NKAIN2: variants seen among roughly 807,000 people sequenced by gnomAD.
NKAIN2 encodes sodium/potassium-transporting ATPase subunit beta-1-interacting protein 2.
A neutral mutation model predicts 32.6 loss-of-function variants in NKAIN2; 14 were observed. The ratio of observed to expected loss-of-function variants is 0.43; its 90% CI spans 0.28 to 0.67. NKAIN2 has a LOEUF of 0.67. Ranked by LOEUF, NKAIN2 falls within the 30% of genes least tolerant of loss-of-function variation. The pLI is 0.17. For synonymous variants in NKAIN2, 80 were observed against 87.2 expected, an observed-to-expected ratio of 0.92 and a Z score of 0.46; for missense variants, 198 against 258.3, an observed-to-expected ratio of 0.77 and a Z score of 1.60.
At chr6:123,903,358 G>C (rs1256900095) in intron 1 of NKAIN2, among the ~76,000 whole-genome samples, 1 of 152,152 alleles carries the variant, frequency 6.6e-6, no homozygotes, top group Non-Finnish European at 1.5e-5. Context: ...CAAAATAAGA[G>C]GGAAGGAATT....
chr6:124,215,551 G>A (rs1791424430), intron 1 of NKAIN2, among the ~76,000 whole-genome samples: 1 of 152,088 alleles, frequency 6.6e-6, no homozygotes. Context: ...AAAACTAAAT[G>A]TGACTGGAAT....
chr6:124,179,709 T>A (rs1789342584), intron 1 of NKAIN2, among the ~76,000 whole-genome samples: 1 of 152,160 alleles, frequency 6.6e-6, no homozygotes, highest in Non-Finnish European at 1.5e-5. Flanking sequence ...ATCCACAGAA[T>A]TACTTTCTGA....
intron 2 of NKAIN2, among the ~76,000 whole-genome samples, chr6:124,330,444 A>G (rs1318409571): frequency 6.6e-6 from 1 of 152,176 alleles, no homozygotes; most frequent in Non-Finnish European, 1.5e-5. Flanking sequence ...CATGTAGAGC[A>G]CTGAAGCTGG....
At chr6:123,889,900 T>C (rs891011156) in intron 1 of NKAIN2, among the ~76,000 whole-genome samples, 15 of 152,126 alleles carry the variant, frequency 9.9e-5, no homozygotes, top group African/African-American at 3.6e-4. Context: ...AATTTTCTCT[T>C]AATTTGGGGG....
At chr6:124,704,812 A>G (rs377232996) in intron 4 of NKAIN2, among the ~76,000 whole-genome samples, 1 of 151,980 alleles carries the variant, frequency 6.6e-6, no homozygotes, top group South Asian at 2.1e-4. Context: ...TACACTCTCT[A>G]CTTAACTTCC....
chr6:124,345,885 G>T (rs897417354), intron 2 of NKAIN2, among the ~76,000 whole-genome samples: 1 of 152,138 alleles, frequency 6.6e-6, no homozygotes, highest in African/African-American at 2.4e-5. Context: ...GCTTTTGAAT[G>T]TGTTTGCTCT....
chr6:123,953,497 G>A (rs1018428588), intron 1 of NKAIN2, among the ~76,000 whole-genome samples: 2 of 152,194 alleles, frequency 1.3e-5, no homozygotes, highest in Non-Finnish European at 2.9e-5. Context: ...GTGGTCCATG[G>A]TGGTGTTGTT....
At chr6:124,675,847 ACTTC>A (rs1388813615) in intron 4 of NKAIN2, among the ~76,000 whole-genome samples, 30 of 147,474 alleles carry the variant, frequency 2.0e-4, no homozygotes, top group East Asian at 4.0e-4. Context: ...AATGTTTACT[ACTTC>A]CTTCCTTCTG....
At chr6:124,173,543 A>G (rs575135686) in intron 1 of NKAIN2, among the ~76,000 whole-genome samples, 3 of 152,222 alleles carry the variant, frequency 2.0e-5, no homozygotes, top group African/African-American at 7.2e-5. Context: ...CATAATATTA[A>G]TAGGCCCTTT....
intron 2 of NKAIN2, among the ~76,000 whole-genome samples, chr6:124,283,613 A>G (rs1795406728): frequency 6.6e-6 from 1 of 152,228 alleles, no homozygotes; most frequent in Non-Finnish European, 1.5e-5. Context: ...TAATCTGGAC[A>G]GTTGCCTCTG....
intron 1 of NKAIN2, among the ~76,000 whole-genome samples, chr6:124,227,087 C>CA (rs575365216): frequency 0.59 from 74,631 of 127,090 alleles, 22,051 homozygotes; most frequent in South Asian, 0.7. Context: ...CTCTTGGAGG[C>CA]AAAAAAAAAA....
At chr6:124,020,280 C>CA (rs1234413979) in intron 1 of NKAIN2, among the ~76,000 whole-genome samples, 1 of 152,126 alleles carries the variant, frequency 6.6e-6, no homozygotes, top group African/African-American at 2.4e-5. Flanking sequence ...ATGGATATCA[C>CA]ATCATTCACA....
chr6:124,735,719 T>A (rs1274921769), intron 4 of NKAIN2, among the ~76,000 whole-genome samples: 1 of 151,894 alleles, frequency 6.6e-6, no homozygotes, highest in Non-Finnish European at 1.5e-5. Context: ...TCTGTTATGG[T>A]GATCTGTGAT....
chr6:124,694,460 T>C (rs752359342), intron 4 of NKAIN2, among the ~76,000 whole-genome samples: 4 of 152,350 alleles, frequency 2.6e-5, no homozygotes, highest in Non-Finnish European at 4.4e-5. Context: ...GAGAGACTTT[T>C]GCCCAGTGAA....
chr6:124,273,744 G>A (rs1290967997), intron 1 of NKAIN2, among the ~76,000 whole-genome samples: 1 of 152,064 alleles, frequency 6.6e-6, no homozygotes, highest in Non-Finnish European at 1.5e-5. Context: ...CAAACATTAG[G>A]TATTTTTTTC....
At chr6:124,446,335 T>G (rs1775889894) in intron 3 of NKAIN2, among the ~76,000 whole-genome samples, 1 of 82,260 alleles carries the variant, frequency 1.2e-5, no homozygotes, top group African/African-American at 2.7e-5. Context: ...AATATATAAG[T>G]TTTTTGTTTG....
At chr6:123,888,344 T>C (rs1414973043) in intron 1 of NKAIN2, among the ~76,000 whole-genome samples, 1 of 152,138 alleles carries the variant, frequency 6.6e-6, no homozygotes, top group Non-Finnish European at 1.5e-5. Flanking sequence ...CACTTTCCTA[T>C]TGCTTAGAAT....
At chr6:124,394,296 G>T (rs1351239139) in intron 3 of NKAIN2, among the ~76,000 whole-genome samples, 1 of 152,054 alleles carries the variant, frequency 6.6e-6, no homozygotes, top group Non-Finnish European at 1.5e-5. Flanking sequence ...TCTGTTAAGG[G>T]AGTTTGATAA....
chr6:124,082,986 A>G (rs922304640), intron 1 of NKAIN2, among the ~76,000 whole-genome samples: 11 of 152,022 alleles, frequency 7.2e-5, no homozygotes, highest in Admixed American at 6.6e-5. Context: ...AACAACTATT[A>G]TATCTAAAAG....
Sources: allele counts gnomAD v4.1 joint callset (sites outside exome capture counted in the v4.1 genomes callset), GRCh38; gene constraint gnomAD v4.1.1; transcripts MANE v1.5; gene names NCBI Gene and HGNC (gene_info 2026-07-23, HGNC 2026-07-21).